The following PITPNM1 variants were observed in gnomAD, a reference collection of about 807,000 sequenced individuals.
The protein encoded by PITPNM1 is membrane-associated phosphatidylinositol transfer protein 1.
In PITPNM1, 74 loss-of-function variants were observed where a neutral mutation model predicts 133.3. The observed-to-expected ratio is 0.56, with a 90% confidence interval of 0.46 to 0.67. The LOEUF is 0.67. Among genes scored for constraint, PITPNM1 ranks in the 30% least tolerant of loss-of-function variants. The probability of loss-of-function intolerance (pLI) is 0.00; values close to 1 mark genes in which losing one functional copy is unlikely to be tolerated. For synonymous variants in PITPNM1, 738 were observed against 741.4 expected (o/e 1.00, Z 0.08); for missense variants, 1,398 against 1,739.5 (o/e 0.80, Z 3.49).
In PITPNM1 at chr11:67,492,034, C is replaced by T. The variant is rs1865939734; in HGVS notation, c.3734G>A (p.Ter1245=). ...SISLKLDSEE[*] is the part of the protein sequence containing the mutation. The stretch of plus-strand genomic sequence containing the variant: ...CCCAGGTCCAGGCTGGTGTGGGCCT[C>T]ACTCCTCGCTGTCCAGCTTCAGGCT... The change falls in exon 24 of 24, where the codon TGA becomes TAA. Residue 1245 remains the stop codon, a stop_retained_variant. Coordinates refer to ENST00000356404, the MANE Select transcript of PITPNM1 (RefSeq NM_004910.3). 1 of 1,611,886 alleles carries T rather than the reference C, an allele frequency of 6.2e-7. No individual in the cohort carries two copies. The highest frequency in any genetic ancestry group is 1.1e-5 in the South Asian group (1 of 91,038).
chr11:67,496,058 C>CT (rs1866110321), intron 15 of PITPNM1, 120 bp downstream of exon 15: 1 of 974,440 alleles, frequency 1.0e-6, no homozygotes, highest in Non-Finnish European at 1.4e-6. Flanking sequence ...GCGCCTGGTC[C>CT]TGGGAGTGGT....
Position 67,491,913 on chromosome 11 carries a change from G to A in PITPNM1, c.*120C>T. On this transcript the variant is annotated 3_prime_UTR_variant, in exon 24 of 24. Coordinates refer to ENST00000356404, the MANE Select transcript of PITPNM1 (RefSeq NM_004910.3). ...ACCGAGGAGCACACGGAGATATAGG[G>A]TGTGGGGCTGGGGGGGCCAGCGCTG... 2 of 1,089,110 alleles carry A rather than the reference G, an allele frequency of 1.8e-6. No homozygotes were observed. Among genetic ancestry groups the A allele is most frequent in the Middle Eastern group, 3.0e-4 (1 of 3,368 alleles). 67.5% of individuals were successfully genotyped at this position (1,089,110 alleles called of 1,614,324 possible). A position where few individuals can be genotyped will look rare whatever the true frequency, so the allele number is the denominator to read the frequency against.
rs756141675 is a variant in PITPNM1 at position 67,499,838 on chromosome 11, G to C, written c.1064-8C>G. On this transcript the variant is annotated splice_polypyrimidine_tract_variant and splice_region_variant and intron_variant, in intron 7 of 23. Transcript: ENST00000356404. Reference sequence around the variant, plus strand: ...CACTGTCCGAGAAGCCTTCTGAGGGGACAGGGGGCTGTGTCATGGGGTGGG... The same window carrying C: ...CACTGTCCGAGAAGCCTTCTGAGGGCACAGGGGGCTGTGTCATGGGGTGGG... The C allele has an allele frequency of 2.5e-6, 4 of 1,583,234 alleles. No homozygotes were observed. The highest frequency in any genetic ancestry group is 3.4e-5 in the Admixed American group (2 of 59,290).
chr11:67,499,843 G>A lies in PITPNM1; in HGVS notation c.1064-13C>T. ...TCCGAGAAGCCTTCTGAGGGGACAGGGGGCTGTGTCATGGGGTGGGAGGAG... is the reference window on the plus strand; with the variant it reads ...TCCGAGAAGCCTTCTGAGGGGACAGAGGGCTGTGTCATGGGGTGGGAGGAG... On this transcript the variant is annotated splice_polypyrimidine_tract_variant and intron_variant, in intron 7 of 23. Transcript: ENST00000356404. The A allele has an allele frequency of 6.3e-7, 1 of 1,584,302 alleles. No individual in the cohort carries two copies. The highest frequency in any genetic ancestry group is 1.1e-5 in the South Asian group (1 of 89,882).
In PITPNM1 at chr11:67,498,869, G is replaced by C. The variant is rs141123505; in HGVS notation, c.1234-23C>G. The C allele has an allele frequency of 1.6e-5, 25 of 1,609,232 alleles. No homozygotes were observed. The East Asian group carries it at 5.4e-4, about 35-fold the overall frequency. Reference sequence around the variant, plus strand: ...GCCCTGGGGGGAACAATGGGGTGCAGTGGGTGTCACAGCAGTGGCCGGGCC... The same window carrying C: ...GCCCTGGGGGGAACAATGGGGTGCACTGGGTGTCACAGCAGTGGCCGGGCC... On this transcript the variant is annotated intron_variant, in intron 9 of 23. Coordinates refer to ENST00000356404, the MANE Select transcript of PITPNM1 (RefSeq NM_004910.3). This position sits in a 1 kb window ranked among gnomAD's most constrained non-coding sequence, Gnocchi z 5.7.
rs777175085 is a variant in PITPNM1 at position 67,497,563 on chromosome 11, G to C, written c.1899C>G (p.Pro633=). The C allele has an allele frequency of 6.2e-7, 1 of 1,609,378 alleles. No individual in the cohort carries two copies. The highest frequency in any genetic ancestry group is 1.3e-5 in the African/African-American group (1 of 74,780). The change falls in exon 13 of 24, where the codon CCC becomes CCG. Residue 633 remains proline, a synonymous_variant. Transcript: ENST00000356404. ...EPSALPPQRI[P]SDMASPEPEG... is the part of the protein sequence containing the mutation. The stretch of plus-strand genomic sequence containing the variant: ...CGGGCTCAGGACTGGCCATGTCGCT[G>C]GGGATGCGCTGGGGAGGCAAGGCCG...
intron 2 of PITPNM1, among the ~76,000 whole-genome samples, chr11:67,503,326 G>A (rs963912811): frequency 6.6e-6 from 1 of 152,218 alleles, no homozygotes; most frequent in Non-Finnish European, 1.5e-5. Flanking sequence ...GTGGCAAGGA[G>A]GCCGGGGTGG....
intron 23 of PITPNM1, 102 bp from the exon 24 acceptor site, chr11:67,492,398 T>C: frequency 8.3e-7 from 1 of 1,200,926 alleles, no homozygotes; most frequent in South Asian, 1.6e-5. Flanking sequence ...GGGGGACTGG[T>C]GGCAGGCTTG....
In PITPNM1 at chr11:67,502,021, G is replaced by A; in HGVS notation, c.481C>T (p.Leu161Phe). ...CGGCCCGTCTTGACCGAGTGATAAAGCCGGGGGTCCTCTTCTGCTTTGTAC... is the reference window on the plus strand; with the variant it reads ...CGGCCCGTCTTGACCGAGTGATAAAACCGGGGGTCCTCTTCTGCTTTGTAC... The part of the protein sequence containing the change: ...GEYKAEEDPR[L>F]YHSVKTGRGP... Residue 161 changes from leucine (L) to phenylalanine (F), a missense_variant, in exon 5 of 24, where the codon CTT becomes TTT. Physicochemically the swap from Leu to Phe is conservative, Grantham distance 22. Around this residue, in one of 5 missense-constraint regions of PITPNM1, gnomAD observed 274 missense variants for 360.7 expected, o/e 0.76. Coordinates refer to ENST00000356404, the MANE Select transcript of PITPNM1 (RefSeq NM_004910.3). This position sits in a 1 kb window ranked among gnomAD's most constrained non-coding sequence, Gnocchi z 5.9. 1 of 1,613,454 alleles carries A rather than the reference G, an allele frequency of 6.2e-7. No individual in the cohort carries two copies.
intron 21 of PITPNM1, 45 bp downstream of exon 21, chr11:67,493,643 G>T (rs1041611750): frequency 6.5e-7 from 1 of 1,544,934 alleles, no homozygotes; most frequent in East Asian, 2.4e-5. Context: ...GTGAGGGGCC[G>T]GTCACCCCGG....
chr11:67,495,654 C>T, intron 15 of PITPNM1, 52 bp from the exon 16 acceptor site: 2 of 1,482,280 alleles, frequency 1.3e-6, no homozygotes, highest in Non-Finnish European at 1.8e-6. Flanking sequence ...GCTCTCCTGT[C>T]TTCTCACCCA....
rs1482946644 is a variant in PITPNM1 at position 67,493,670 on chromosome 11, G to A, written c.3158+18C>T. 3.2e-6 allele frequency: 5 copies of A among 1,545,506 alleles called. No individual in the cohort carries two copies. In the South Asian group the frequency reaches 4.8e-5, roughly 15 times the overall value. Reference sequence around the variant, plus strand: ...TCACCCCGGTGAAATGGGTGGTGGTGGCAGTGGCAACTCCTACCTGACCAC... The same window carrying A: ...TCACCCCGGTGAAATGGGTGGTGGTAGCAGTGGCAACTCCTACCTGACCAC... On this transcript the variant is annotated intron_variant, in intron 21 of 23. Transcript: ENST00000356404.
Position 67,500,297 on chromosome 11 carries a change from G to A in PITPNM1, c.765C>T (p.Arg255=), listed in dbSNP as rs1386706391. ...EEETARMLAQ[R]MAKCNTGSEG... is the part of the protein sequence containing the mutation. ...CACTGCCTGTGTTGCACTTGGCCAT[G>A]CGCTGGGCCAGCATGCGAGCAGTCT... Residue 255 remains arginine (R), a synonymous_variant, in exon 6 of 24, where the codon CGC becomes CGT. Coordinates refer to ENST00000356404, the MANE Select transcript of PITPNM1 (RefSeq NM_004910.3). 1.2e-6 allele frequency: 2 copies of A among 1,611,100 alleles called. No homozygotes were observed. Among genetic ancestry groups the A allele is most frequent in the East Asian group, 4.5e-5 (2 of 44,882 alleles).
Position 67,495,597 on chromosome 11 carries a change from T to G in PITPNM1, c.2323A>C (p.Thr775Pro), listed in dbSNP as rs1866094213. The G allele has an allele frequency of 6.4e-7, 1 of 1,564,624 alleles. No homozygotes were observed. The highest frequency in any genetic ancestry group is 2.1e-5 in the Admixed American group (1 of 47,384). Residue 775 changes from threonine to proline, a missense_variant, in exon 16 of 24, where the codon ACT (threonine) becomes CCT (proline). Thr to Pro is a conservative substitution (Grantham distance 38, BLOSUM62 -1). Coordinates refer to ENST00000356404, the MANE Select transcript of PITPNM1 (RefSeq NM_004910.3). ...GDGSSLLLAD[T>P]LQTHSSLFLE... is the part of the protein sequence containing the mutation. ...AAGAGGCTGGAGTGCGTCTGCAGAG[T>G]GTCGGCTGGGGGAAGGAGGGCAAGG...
chr11:67,499,144 C>T lies in PITPNM1; in HGVS notation c.1172-143G>A, dbSNP rs182945536. The T allele has an allele frequency of 2.1e-3, 1,596 of 775,672 alleles. 3 individuals are homozygous for T. The highest frequency in any genetic ancestry group is 2.4e-3 in the Non-Finnish European group (1,209 of 494,720). 48.0% of individuals were successfully genotyped at this position (775,672 alleles called of 1,614,324 possible). ...CAAACTTCTCCTCCCACCAACTCTC[C>T]CAGGTCAGTTTGTATTTCCAGGCCT... On this transcript the variant is annotated intron_variant, in intron 8 of 23. Coordinates refer to ENST00000356404, the MANE Select transcript of PITPNM1 (RefSeq NM_004910.3).
chr11:67,503,925 G>A (rs1371473353), intron 2 of PITPNM1, 178 bp downstream of exon 2: 2 of 525,966 alleles, frequency 3.8e-6, no homozygotes, highest in African/African-American at 2.0e-5. Context: ...CTTAGCGGAT[G>A]GGAAGCACCA....
chr11:67,498,075 C>G lies in PITPNM1; in HGVS notation c.1675-51G>C. On this transcript the variant is annotated intron_variant, in intron 11 of 23. Transcript: ENST00000356404. This position sits in a 1 kb window ranked among gnomAD's most constrained non-coding sequence, Gnocchi z 5.7. ...GGAGAGGCCTTGTCCTCACCCAGGC[C>G]AGACTACAGTGGGGGCTGCAGTGGA... 1 of 1,608,488 alleles carries G rather than the reference C, an allele frequency of 6.2e-7. No homozygotes were observed. Among genetic ancestry groups the G allele is most frequent in the Non-Finnish European group, 8.5e-7 (1 of 1,178,564 alleles).
At position 67,498,918 on chromosome 11, in the gene PITPNM1, T is replaced by C. The variant is rs755819111; in HGVS notation, c.1233+22A>G. 16 of 1,611,772 alleles carry C rather than the reference T, an allele frequency of 9.9e-6. No homozygotes were observed. Among genetic ancestry groups the C allele is most frequent in the African/African-American group, 4.0e-5 (3 of 74,852 alleles). Reference sequence around the variant, plus strand: ...CCAGTGAGTAGGGGGAGCTTTGACATGGGGTGGCTGACCATACTCGCCTCT... The same window carrying C: ...CCAGTGAGTAGGGGGAGCTTTGACACGGGGTGGCTGACCATACTCGCCTCT... On this transcript the variant is annotated intron_variant, in intron 9 of 23. Coordinates refer to ENST00000356404, the MANE Select transcript of PITPNM1 (RefSeq NM_004910.3). The surrounding 1 kb of genome is among the most constrained non-coding windows in gnomAD (Gnocchi z 5.7).
Position 67,494,333 on chromosome 11 carries a change from C to T in PITPNM1, c.2770G>A (p.Asp924Asn). 1.2e-6 allele frequency: 2 copies of T among 1,608,956 alleles called. No individual in the cohort carries two copies. ...RNVTSNHRAS[D>N]TVVCEGRPQV... is the part of the protein sequence containing the mutation. Reference sequence around the variant, plus strand: ...GGGCGGCCCTCGCACACCACCGTGTCGCTCGCCCGGTGGTTGGAAGTGACG... The same window carrying T: ...GGGCGGCCCTCGCACACCACCGTGTTGCTCGCCCGGTGGTTGGAAGTGACG... Residue 924 changes from aspartate (D) to asparagine (N), a missense_variant, in exon 19 of 24, where the codon GAC becomes AAC. Asp to Asn is a conservative substitution (Grantham distance 23). Around this residue, in one of 5 missense-constraint regions of PITPNM1, gnomAD observed 233 missense variants for 378.0 expected, o/e 0.62. Transcript: ENST00000356404.
Sources: gnomAD v4.1 joint callset for allele counts (sites outside exome capture counted in the v4.1 genomes callset) on GRCh38, gnomAD v4.1.1 for gene constraint, gnomAD v4.1.1 regional missense constraint, Gnocchi (gnomAD v3.1) non-coding constraint, MANE v1.5 for transcripts, NCBI Gene and HGNC (gene_info 2026-07-23, HGNC 2026-07-21) for gene names.